The following LINGO2 variants were observed in gnomAD, a reference collection of about 807,000 sequenced individuals.
LINGO2 encodes the protein leucine rich repeat and Ig domain containing 2.
Under a neutral mutation model 30.6 loss-of-function variants are expected in LINGO2, and 14 were observed. The observed-to-expected ratio is 0.46, with a 90% CI of 0.30 to 0.72. LINGO2 has a LOEUF of 0.72. Ranked by LOEUF, LINGO2 falls within the 30% of genes least tolerant of loss-of-function variation. The pLI is 0.07. For synonymous variants in LINGO2, 317 were observed against 288.5 expected (o/e 1.10, Z -1.00); for missense variants, 729 against 751.7 (o/e 0.97, Z 0.35).
the LINGO2 span, among the ~76,000 whole-genome samples, chr9:29,139,533 T>C: frequency 6.6e-6 from 1 of 152,192 alleles, no homozygotes; most frequent in African/African-American, 2.4e-5. Flanking sequence ...TGGCAAAATA[T>C]GAAGTCCCAT....
At chr9:29,145,253 G>T in the LINGO2 span, among the ~76,000 whole-genome samples, 1 of 152,080 alleles carries the variant, frequency 6.6e-6, no homozygotes, top group African/African-American at 2.4e-5. Flanking sequence ...ACACATTATG[G>T]TGATCCAGGT....
chr9:29,157,846 T>TTCA, the LINGO2 span, among the ~76,000 whole-genome samples: 1 of 152,132 alleles, frequency 6.6e-6, no homozygotes, highest in Non-Finnish European at 1.5e-5. Context: ...AAACATTATT[T>TTCA]TGACCTCCTC....
chr9:27,967,359 T>TC (rs1221517965), intron 5 of LINGO2, among the ~76,000 whole-genome samples: 6 of 152,120 alleles, frequency 3.9e-5, no homozygotes, highest in African/African-American at 1.4e-4. Flanking sequence ...TATAAGGTTT[T>TC]CATAAACCAG....
chr9:28,836,841 A>G, the LINGO2 span, among the ~76,000 whole-genome samples: 7,512 of 152,254 alleles, frequency 0.049, 579 homozygotes, highest in African/African-American at 0.17. Context: ...AATAAAAACA[A>G]ATAAGTAAGA....
chr9:28,276,281 C>G (rs1490452255), intron 4 of LINGO2, among the ~76,000 whole-genome samples: 1 of 152,164 alleles, frequency 6.6e-6, no homozygotes, highest in East Asian at 1.9e-4. Flanking sequence ...AGTCAAAATG[C>G]TATGCACACG....
chr9:28,552,818 C>A (rs1219380561), intron 1 of LINGO2, among the ~76,000 whole-genome samples: 1 of 150,676 alleles, frequency 6.6e-6, no homozygotes, highest in African/African-American at 2.4e-5. Flanking sequence ...TCTGGAACAG[C>A]TTTTCAACTT....
At chr9:29,113,552 A>T in the LINGO2 span, among the ~76,000 whole-genome samples, 1 of 152,176 alleles carries the variant, frequency 6.6e-6, no homozygotes, top group African/African-American at 2.4e-5. Context: ...CAGACATCAT[A>T]ACTGTTTCCG....
chr9:29,183,885 C>T, the LINGO2 span, among the ~76,000 whole-genome samples: 1 of 147,200 alleles, frequency 6.8e-6, no homozygotes, highest in Non-Finnish European at 1.5e-5. Context: ...TTCACACTGC[C>T]TACCTGTTTC....
chr9:28,271,218 G>T (rs1439134790), intron 4 of LINGO2, among the ~76,000 whole-genome samples: 1 of 151,074 alleles, frequency 6.6e-6, no homozygotes, highest in Non-Finnish European at 1.5e-5. Flanking sequence ...GAAAATAATT[G>T]TTTTATTGTT....
intron 5 of LINGO2, among the ~76,000 whole-genome samples, chr9:27,974,428 G>A (rs951352226): frequency 1.3e-5 from 2 of 151,486 alleles, no homozygotes; most frequent in Non-Finnish European, 2.9e-5. Context: ...TTTGAAGGAC[G>A]GTAGCAATGT....
intron 4 of LINGO2, among the ~76,000 whole-genome samples, chr9:28,275,263 T>C (rs7030840): frequency 0.97 from 146,539 of 151,844 alleles, 70,822 homozygotes; most frequent in Middle Eastern, 1. Context: ...TTAGTAGAGA[T>C]GGGGTTTTAC....
At chr9:28,456,056 C>G (rs1184980399) in intron 2 of LINGO2, among the ~76,000 whole-genome samples, 1 of 152,080 alleles carries the variant, frequency 6.6e-6, no homozygotes, top group African/African-American at 2.4e-5. Flanking sequence ...CTTTGTTTCT[C>G]AAATAATAAC....
chr9:28,189,831 T>C (rs1387554303), intron 4 of LINGO2, among the ~76,000 whole-genome samples: 1 of 152,086 alleles, frequency 6.6e-6, no homozygotes, highest in Non-Finnish European at 1.5e-5. Flanking sequence ...GCAGCCACTC[T>C]GGTTCTGTGT....
At position 28,148,789 on chromosome 9, in the gene LINGO2, C is replaced by T; in HGVS notation, c.-86-136384G>A. 1.3e-6 allele frequency: 2 copies of T among 1,534,090 alleles called. No homozygotes were observed. The highest frequency in any genetic ancestry group is 1.7e-6 in the Non-Finnish European group (2 of 1,146,632). The stretch of plus-strand genomic sequence containing the variant: ...CAGTGCTCCCTGCCCCAGTTCCAGG[C>T]TGCTCCCTGTGGCCAGAGAAGGCGG... On this transcript the variant is annotated intron_variant, in intron 4 of 5. Coordinates refer to ENST00000379992, the Ensembl canonical transcript of LINGO2. The surrounding 1 kb of genome is among the most constrained non-coding windows in gnomAD (Gnocchi z 5.1).
At chr9:29,076,606 T>C in the LINGO2 span, among the ~76,000 whole-genome samples, 1 of 143,338 alleles carries the variant, frequency 7.0e-6, no homozygotes, top group Admixed American at 7.2e-5. Flanking sequence ...TATATAATTG[T>C]ATATAATAGA....
chr9:28,805,108 C>G, the LINGO2 span, among the ~76,000 whole-genome samples: 39 of 152,192 alleles, frequency 2.6e-4, no homozygotes, highest in African/African-American at 8.9e-4. Context: ...CTTTAGCTCT[C>G]GAGCAAATGT....
intron 1 of LINGO2, among the ~76,000 whole-genome samples, chr9:28,636,688 T>C (rs571854908): frequency 6.6e-6 from 1 of 152,262 alleles, no homozygotes; most frequent in Admixed American, 6.5e-5. Flanking sequence ...TTCTTATAAA[T>C]TTGTTTGACT....
At chr9:28,619,786 T>C (rs576829784) in intron 1 of LINGO2, among the ~76,000 whole-genome samples, 5 of 152,108 alleles carry the variant, frequency 3.3e-5, no homozygotes, top group Non-Finnish European at 7.4e-5. Flanking sequence ...TGGTAGTAAT[T>C]TCTTTGAAAC....
At chr9:28,235,999 G>C (rs578095384) in intron 4 of LINGO2, among the ~76,000 whole-genome samples, 7 of 152,212 alleles carry the variant, frequency 4.6e-5, no homozygotes, top group African/African-American at 1.7e-4. Flanking sequence ...ACAACATGCA[G>C]ATTTAGCCCA....
Sources: gnomAD v4.1 joint callset for allele counts (sites outside exome capture counted in the v4.1 genomes callset) on GRCh38, gnomAD v4.1.1 for gene constraint, Gnocchi (gnomAD v3.1) non-coding constraint, MANE v1.5 for transcripts, NCBI Gene and HGNC (gene_info 2026-07-23, HGNC 2026-07-21) for gene names.